BANF2: variants seen among roughly 807,000 people sequenced by gnomAD.
BANF2 encodes the protein barrier-to-autointegration factor-like protein.
BANF2 carries 4 observed loss-of-function variants against 8.0 expected under a neutral mutation model. That is an observed-to-expected ratio of 0.50 (90% confidence interval 0.25 to 1.14). The LOEUF is 1.14. Among genes scored for constraint, BANF2 ranks in the 50% most tolerant of loss-of-function variants. BANF2 has a pLI of 0.16. For missense variants in BANF2, 96 were observed against 107.5 expected, an observed-to-expected ratio of 0.89 and a Z score of 0.47; for synonymous variants, 50 against 40.6, an observed-to-expected ratio of 1.23 and a Z score of -0.88.
intron 3 of BANF2, among the ~76,000 whole-genome samples, chr20:17,730,552 C>T (rs1434834723): frequency 6.6e-6 from 1 of 152,176 alleles, no homozygotes; most frequent in Non-Finnish European, 1.5e-5. Context: ...CGGGGCTCTG[C>T]TCTCTCTCGC....
intron 1 of BANF2, among the ~76,000 whole-genome samples, chr20:17,706,734 C>T (rs1249717365): frequency 6.6e-6 from 1 of 152,170 alleles, no homozygotes; most frequent in Admixed American, 6.5e-5. Context: ...CTTTTCACTG[C>T]CACTAAGAGA....
upstream of BANF2, among the ~76,000 whole-genome samples, chr20:17,699,498 C>T (rs1201879341): frequency 6.6e-6 from 1 of 152,108 alleles, no homozygotes; most frequent in Non-Finnish European, 1.5e-5. Context: ...TGAGTCCCTA[C>T]CAGGTGGGCA....
chr20:17,729,115 C>T (rs1041629134), intron 3 of BANF2, among the ~76,000 whole-genome samples: 5 of 152,082 alleles, frequency 3.3e-5, no homozygotes, highest in African/African-American at 9.7e-5. Context: ...GATGTAAGGG[C>T]GAAAGAGCCG....
intron 3 of BANF2, among the ~76,000 whole-genome samples, chr20:17,734,847 G>A (rs1191540257): frequency 1.3e-5 from 2 of 152,202 alleles, no homozygotes; most frequent in Non-Finnish European, 1.5e-5. Context: ...AGCACTTTGG[G>A]AGGCCAAGGC....
upstream of BANF2, among the ~76,000 whole-genome samples, chr20:17,697,080 G>A (rs1185368416): frequency 2.0e-5 from 3 of 152,066 alleles, no homozygotes; most frequent in African/African-American, 7.2e-5. Context: ...CAGGTGTGAG[G>A]CTGGGTGTAG....
rs1013138382 is a variant in BANF2 at position 17,712,561 on chromosome 20, T to G, written c.-166-10155T>G. 4 of 978,252 alleles carry G rather than the reference T, an allele frequency of 4.1e-6. No homozygotes were observed. The African/African-American group carries it at 7.0e-5, about 17-fold the overall frequency. 60.6% of individuals were successfully genotyped at this position (978,252 alleles called of 1,614,324 possible). A position where few individuals can be genotyped will look rare whatever the true frequency, so the allele number is the denominator to read the frequency against. ...TTCAGGTAGGGAAGTTCAAGCCCCG[T>G]GCCCATGAACGTTCATCTTTCTTTT... On this transcript the variant is annotated intron_variant, in intron 1 of 3. Transcript: ENST00000246090.
Position 17,699,994 on chromosome 20 carries a change from G to A in BANF2, c.-228G>A. 2 of 985,448 alleles carry A rather than the reference G, an allele frequency of 2.0e-6. No individual in the cohort carries two copies. Among genetic ancestry groups the A allele is most frequent in the Non-Finnish European group, 1.2e-6 (1 of 829,944 alleles). 61.0% of individuals were successfully genotyped at this position (985,448 alleles called of 1,614,324 possible). On this transcript the variant is annotated 5_prime_UTR_variant, in exon 1 of 4. Coordinates refer to ENST00000246090, the MANE Select transcript of BANF2 (RefSeq NM_178477.5). Reference sequence around the variant, plus strand: ...ACATAAGCTGAACCTCTGGCCTGCAGTTCCAGATCCAAGGTGACTGAGACA... The same window carrying A: ...ACATAAGCTGAACCTCTGGCCTGCAATTCCAGATCCAAGGTGACTGAGACA...
Position 17,728,786 on chromosome 20 carries a change from A to G in BANF2, c.126+3635A>G, listed in dbSNP as rs564137239. ...GTATCTGCCCTTCCCAGGGGCAATC[A>G]GCATCAGCTGTGGCCTGAGGATCTA... On this transcript the variant is annotated intron_variant, in intron 3 of 3. Transcript: ENST00000246090. 2.0e-5 allele frequency among the ~76,000 whole-genome samples: 3 copies of G among 152,282 alleles called. No individual in the cohort carries two copies. In the South Asian group the frequency reaches 6.2e-4, roughly 32 times the overall value.
chr20:17,710,251 G>T (rs6044960), intron 1 of BANF2, among the ~76,000 whole-genome samples: 4,205 of 152,302 alleles, frequency 0.028, 192 homozygotes, highest in African/African-American at 0.094. Flanking sequence ...GCAGGGCAGG[G>T]ACAGCGTCTG....
intron 1 of BANF2, among the ~76,000 whole-genome samples, chr20:17,718,221 T>TTTGTTC: frequency 6.6e-6 from 1 of 152,190 alleles, no homozygotes. Context: ...TGTTTTTGTT[T>TTTGTTC]TGAGATGGAG....
intron 3 of BANF2, among the ~76,000 whole-genome samples, chr20:17,725,633 T>C (rs1043070221): frequency 1.3e-5 from 2 of 152,242 alleles, no homozygotes; most frequent in African/African-American, 4.8e-5. Context: ...AAGAATGACC[T>C]CAAGGATATC....
intron 1 of BANF2, among the ~76,000 whole-genome samples, chr20:17,721,133 T>G (rs74771884): frequency 0.015 from 2,300 of 152,286 alleles, 56 homozygotes; most frequent in African/African-American, 0.052. Flanking sequence ...CTTCCTTCCT[T>G]CTTACAGAAA....
chr20:17,719,237 G>C (rs541502779), intron 1 of BANF2, among the ~76,000 whole-genome samples: 1 of 152,108 alleles, frequency 6.6e-6, no homozygotes, highest in East Asian at 1.9e-4. Flanking sequence ...TGAGTCTCCC[G>C]TCTCAGCCTT....
chr20:17,723,335 G>T (rs2037759001), intron 2 of BANF2, among the ~76,000 whole-genome samples: 1 of 152,186 alleles, frequency 6.6e-6, no homozygotes, highest in South Asian at 2.1e-4. Context: ...GTGTTTCTTT[G>T]GGGGAGAGGG....
At position 17,702,252 on chromosome 20, in the gene BANF2, A is replaced by G. The variant is rs147193321; in HGVS notation, c.-167+2197A>G. 2.4e-3 allele frequency among the ~76,000 whole-genome samples: 364 copies of G among 152,186 alleles called. 2 individuals are homozygous for G. The highest frequency in any genetic ancestry group is 8.5e-3 in the African/African-American group (353 of 41,504). On this transcript the variant is annotated intron_variant, in intron 1 of 3. Coordinates refer to ENST00000246090, the MANE Select transcript of BANF2 (RefSeq NM_178477.5). ...CGATGTGCCAAGTTCCACAGTGCCT[A>G]TTTCCAGCTCCTCTTGGACGTTGCC...
chr20:17,735,785 A>C lies in BANF2; in HGVS notation c.247A>C (p.Lys83Gln). 6.2e-7 allele frequency: 1 copy of C among 1,613,784 alleles called. No individual in the cohort carries two copies. Among genetic ancestry groups the C allele is most frequent in the East Asian group, 2.2e-5 (1 of 44,880 alleles). ...CEAQQTSHCLKEWCACFL is the reference protein window; with the variant it reads ...CEAQQTSHCLQEWCACFL Reference sequence around the variant, plus strand: ...GGCCCAGCAGACTTCTCACTGCCTCAAGGAGTGGTGTGCCTGCTTCCTGTA... The same window carrying C: ...GGCCCAGCAGACTTCTCACTGCCTCCAGGAGTGGTGTGCCTGCTTCCTGTA... Residue 83 changes from lysine (K) to glutamine (Q), a missense_variant, in exon 4 of 4, where the codon AAG (lysine) becomes CAG (glutamine). Transcript: ENST00000246090.
intron 1 of BANF2, among the ~76,000 whole-genome samples, chr20:17,722,405 C>T (rs2296901): frequency 0.1 from 15,753 of 152,200 alleles, 930 homozygotes; most frequent in East Asian, 0.16. Context: ...TCAGCAAAGG[C>T]AGAGCGGCTC....
intron 2 of BANF2, among the ~76,000 whole-genome samples, chr20:17,724,382 T>C (rs1026085628): frequency 2.0e-5 from 3 of 152,276 alleles, no homozygotes; most frequent in African/African-American, 7.2e-5. Context: ...CTCTTCCTTC[T>C]TTTGAGGTGG....
At chr20:17,713,650 A>G (rs1346297407) in intron 1 of BANF2, among the ~76,000 whole-genome samples, 1 of 152,062 alleles carries the variant, frequency 6.6e-6, no homozygotes, top group Non-Finnish European at 1.5e-5. Context: ...CCTGGGCAAC[A>G]TAGCAAGACC....
Sources: gnomAD v4.1 joint callset for allele counts (sites outside exome capture counted in the v4.1 genomes callset) on GRCh38, gnomAD v4.1.1 for gene constraint, MANE v1.5 for transcripts, NCBI Gene and HGNC (gene_info 2026-07-23, HGNC 2026-07-21) for gene names.